ZIM2: variants seen among roughly 807,000 people sequenced by gnomAD.
ZIM2 encodes zinc finger protein 656.
A neutral mutation model predicts 38.6 loss-of-function variants in ZIM2; 14 were observed. The ratio of observed to expected loss-of-function variants is 0.36; its 90% CI spans 0.24 to 0.57. The LOEUF is 0.57. Ranked by LOEUF, ZIM2 falls within the 20% of genes least tolerant of loss-of-function variation. ZIM2 has a pLI of 0.81. For synonymous variants in ZIM2, 247 were observed against 245.8 expected (o/e 1.00, Z -0.04); for missense variants, 680 against 695.1 (o/e 0.98, Z 0.24).
At chr19:56,819,942 G>T (rs2060321997) in intron 7 of ZIM2, among the ~76,000 whole-genome samples, 1 of 152,178 alleles carries the variant, frequency 6.6e-6, no homozygotes, top group East Asian at 1.9e-4. Flanking sequence ...TGAACTGCCT[G>T]TGTCCTGCCA....
chr19:56,815,759 C>G, intron 9 of ZIM2: 1 of 1,614,058 alleles, frequency 6.2e-7, no homozygotes, highest in Middle Eastern at 1.7e-4. Flanking sequence ...CTCTGTATGA[C>G]AGAGTCTTCA....
Position 56,814,672 on chromosome 19 carries a change from T to C in ZIM2, c.490+3074A>G. 6.2e-7 allele frequency: 1 copy of C among 1,614,178 alleles called. No homozygotes were observed. Among genetic ancestry groups the C allele is most frequent in the Non-Finnish European group, 8.5e-7 (1 of 1,180,024 alleles). The stretch of plus-strand genomic sequence containing the variant: ...TGGAATGATAGCTTCCTCAGCCATC[T>C]GGCTCTGCTCCAGTAAATCATCTTC... On this transcript the variant is annotated intron_variant, in intron 9 of 12. Coordinates refer to ENST00000629319, the MANE Select transcript of ZIM2 (RefSeq NM_001387356.1). The surrounding 1 kb of genome is among the most constrained non-coding windows in gnomAD (Gnocchi z 5.8).
chr19:56,807,910 G>GTGTT (rs1239051884), intron 9 of ZIM2, among the ~76,000 whole-genome samples: 1 of 152,186 alleles, frequency 6.6e-6, no homozygotes, highest in East Asian at 1.9e-4. Flanking sequence ...GAATAATATT[G>GTGTT]TGTAGCTTAA....
chr19:56,775,236 G>A lies in ZIM2; in HGVS notation c.1129C>T (p.His377Tyr). 1 of 1,614,138 alleles carries A rather than the reference G, an allele frequency of 6.2e-7. No homozygotes were observed. Among genetic ancestry groups the A allele is most frequent in the Admixed American group, 1.7e-5 (1 of 60,018 alleles). ...TFSTQVALRR[H>Y]ERIHTGKKPY... Reference sequence around the variant, plus strand: ...TTCTTCCCAGTATGGATCCGTTCGTGTCTCCTAAGGGCTACTTGCGTACTA... The same window carrying A: ...TTCTTCCCAGTATGGATCCGTTCGTATCTCCTAAGGGCTACTTGCGTACTA... The change falls in exon 13 of 13, where the codon CAC (histidine) becomes TAC (tyrosine). Residue 377 changes from histidine (H) to tyrosine (Y), a missense_variant. Transcript: ENST00000629319.
intron 2 of ZIM2, among the ~76,000 whole-genome samples, chr19:56,829,751 G>A (rs912955232): frequency 1.3e-5 from 2 of 152,214 alleles, no homozygotes; most frequent in Non-Finnish European, 2.9e-5. Flanking sequence ...GCCAGATGCT[G>A]AAATTTGCAC....
At chr19:56,821,897 C>A (rs1374056892) in intron 6 of ZIM2, 143 bp from the exon 7 acceptor site, 22 of 858,538 alleles carry the variant, frequency 2.6e-5, no homozygotes, top group African/African-American at 5.1e-5. Context: ...CTGTGGCAGC[C>A]TCTGAGGAGT....
At chr19:56,827,933 G>A (rs2061210578) in intron 2 of ZIM2, among the ~76,000 whole-genome samples, 2 of 152,154 alleles carry the variant, frequency 1.3e-5, no homozygotes, top group Non-Finnish European at 2.9e-5. Flanking sequence ...CTCTGGGGAA[G>A]GGAACTAGGG....
chr19:56,803,598 AG>A (rs1475502885), intron 9 of ZIM2, among the ~76,000 whole-genome samples: 1 of 152,224 alleles, frequency 6.6e-6, no homozygotes, highest in Non-Finnish European at 1.5e-5. Context: ...TTGGAAGGAA[AG>A]GGGCAGGTTA....
chr19:56,822,590 A>G (rs2060606578), intron 6 of ZIM2, 163 bp downstream of exon 6: 16 of 856,854 alleles, frequency 1.9e-5, no homozygotes, highest in Non-Finnish European at 2.7e-5. Flanking sequence ...GGTGGTACCG[A>G]GTGGAACTTC....
intron 9 of ZIM2, among the ~76,000 whole-genome samples, chr19:56,792,739 A>G (rs2047005842): frequency 6.6e-6 from 1 of 152,056 alleles, no homozygotes; most frequent in Non-Finnish European, 1.5e-5. Context: ...CAGAATCATT[A>G]GAAGCCCAAA....
intron 10 of ZIM2, chr19:56,782,323 A>AG: frequency 1.5e-6 from 1 of 669,498 alleles, no homozygotes; most frequent in Admixed American, 3.0e-5. Context: ...ATTTGGGTTG[A>AG]GGGGGAAATA....
chr19:56,800,179 T>C (rs2047440754), intron 9 of ZIM2, among the ~76,000 whole-genome samples: 1 of 152,108 alleles, frequency 6.6e-6, no homozygotes, highest in South Asian at 2.1e-4. Flanking sequence ...TTTTGATGTA[T>C]GTAAATTTGA....
intron 9 of ZIM2, among the ~76,000 whole-genome samples, chr19:56,807,465 C>T (rs533584667): frequency 1.6e-4 from 24 of 152,178 alleles, no homozygotes; most frequent in African/African-American, 5.3e-4. Context: ...AATAAGTCTT[C>T]TTGAGTTTGG....
intron 9 of ZIM2, chr19:56,812,260 G>A: frequency 1.0e-6 from 1 of 972,300 alleles, no homozygotes; most frequent in South Asian, 4.8e-5. Flanking sequence ...ACCTCAAGCT[G>A]TGAGGTCAAT....
intron 9 of ZIM2, among the ~76,000 whole-genome samples, chr19:56,797,592 T>G (rs1345117050): frequency 6.6e-6 from 1 of 152,112 alleles, no homozygotes; most frequent in Admixed American, 6.5e-5. Flanking sequence ...CTGGAGGAAC[T>G]TGGATTTCTC....
chr19:56,785,387 C>T (rs964130950), intron 10 of ZIM2, among the ~76,000 whole-genome samples: 12 of 152,112 alleles, frequency 7.9e-5, no homozygotes, highest in Non-Finnish European at 1.5e-4. Context: ...TCGCTCCCCC[C>T]ACCCCAGTAA....
chr19:56,800,490 CAAT>C (rs1299037424), intron 9 of ZIM2, among the ~76,000 whole-genome samples: 1 of 151,938 alleles, frequency 6.6e-6, no homozygotes, highest in Non-Finnish European at 1.5e-5. Flanking sequence ...GTAAGAATTG[CAAT>C]AATATATAAC....
chr19:56,790,007 A>T (rs1039687844), intron 9 of ZIM2, 56 bp from the exon 10 acceptor site: 2 of 1,410,510 alleles, frequency 1.4e-6, no homozygotes, highest in Non-Finnish European at 1.9e-6. Flanking sequence ...GCACTGACAG[A>T]CACAGTGGCC....
intron 7 of ZIM2, 123 bp downstream of exon 7, chr19:56,821,528 C>G (rs1464201250): frequency 2.6e-6 from 3 of 1,176,206 alleles, no homozygotes; most frequent in African/African-American, 1.5e-5. Context: ...CCTCCTGGAG[C>G]GCTGGGACTC....
Sources: allele counts gnomAD v4.1 joint callset (sites outside exome capture counted in the v4.1 genomes callset), GRCh38; gene constraint gnomAD v4.1.1; non-coding constraint Gnocchi (gnomAD v3.1); transcripts MANE v1.5; gene names NCBI Gene and HGNC (gene_info 2026-07-23, HGNC 2026-07-21).